The following PAX4 variants were observed in gnomAD, a reference collection of about 807,000 sequenced individuals.
PAX4 encodes paired box 4.
A neutral mutation model predicts 40.6 loss-of-function variants in PAX4; 33 were observed. The ratio of observed to expected loss-of-function variants is 0.81; its 90% CI spans 0.62 to 1.09. PAX4 has a LOEUF of 1.09. Ranked by LOEUF, PAX4 falls within the 50% of genes least tolerant of loss-of-function variation. PAX4 has a pLI of 0.00. For synonymous variants in PAX4, 174 were observed against 170.6 expected (o/e 1.02, Z -0.16); for missense variants, 459 against 442.5 (o/e 1.04, Z -0.33).
At chr7:127,617,721 T>C (rs928459705) in intron 1 of PAX4, among the ~76,000 whole-genome samples, 1 of 152,222 alleles carries the variant, frequency 6.6e-6, no homozygotes, top group Non-Finnish European at 1.5e-5. Flanking sequence ...TAAATCATTA[T>C]GCCCCAACTC....
At chr7:127,613,190 C>G in intron 8 of PAX4, 99 bp from the exon 9 acceptor site, 1 of 1,064,672 alleles carries the variant, frequency 9.4e-7, no homozygotes. Flanking sequence ...GAATGTTGAC[C>G]CTTCCTTGGG....
rs199542176 is a variant in PAX4 at position 127,611,103 on chromosome 7, C to G, written c.1017G>C (p.Leu339=). The G allele has an allele frequency of 6.8e-6, 11 of 1,607,770 alleles. No individual in the cohort carries two copies. The East Asian group carries it at 2.5e-4, about 36-fold the overall frequency. ...HLASLSGSQA[L]LWPGCPLLYG... Reference sequence around the variant, plus strand: ...ACAGTAGTGGGCAGCCAGGCCAGAGCAGGGCCTGAGAGCCACTAAGACTGG... The same window carrying G: ...ACAGTAGTGGGCAGCCAGGCCAGAGGAGGGCCTGAGAGCCACTAAGACTGG... The change falls in exon 12 of 12, where the codon CTG becomes CTC. Residue 339 remains leucine, a synonymous_variant. Coordinates refer to ENST00000639438, the MANE Select transcript of PAX4 (RefSeq NM_001366110.1).
At chr7:127,615,556 C>A (rs1383861896) in intron 3 of PAX4, 25 bp from the exon 4 acceptor site, 1 of 1,613,128 alleles carries the variant, frequency 6.2e-7, no homozygotes, top group South Asian at 1.1e-5. Flanking sequence ...GAGGTATCCA[C>A]ACACCACCTC....
At chr7:127,615,848 C>A in intron 3 of PAX4, 68 bp downstream of exon 3, 1 of 1,534,026 alleles carries the variant, frequency 6.5e-7, no homozygotes, top group Non-Finnish European at 8.7e-7. Context: ...TTGATGGAAG[C>A]AAAGCCCTGA....
At position 127,615,411 on chromosome 7, in the gene PAX4, C is replaced by T. The variant is rs147279315; in HGVS notation, c.134G>A (p.Arg45Gln). 32 of 1,614,096 alleles carry T rather than the reference C, an allele frequency of 2.0e-5. No homozygotes were observed. In the Middle Eastern group the frequency reaches 4.9e-4, roughly 25 times the overall value. ...VSGMRPCDISRILKVSNGCVS... is the reference protein window; with the variant it reads ...VSGMRPCDISQILKVSNGCVS... ...GTGCTGGCCCATTACCTTAAGGATCCGTGAGATGTCACAGGGCCGCATTCC... is the reference window on the plus strand; with the variant it reads ...GTGCTGGCCCATTACCTTAAGGATCTGTGAGATGTCACAGGGCCGCATTCC... Residue 45 changes from arginine to glutamine, a missense_variant, in exon 4 of 12, where the codon CGG becomes CAG. Physicochemically the swap from Arg to Gln is conservative, Grantham distance 43 (BLOSUM62 1). Transcript: ENST00000639438.
At chr7:127,612,032 A>T (rs777681355) in intron 9 of PAX4, 32 bp from the exon 10 acceptor site, 1 of 1,609,344 alleles carries the variant, frequency 6.2e-7, no homozygotes, top group Admixed American at 1.7e-5. Flanking sequence ...ACTCAGAAGG[A>T]GGAATTGGGG....
rs116607543 is a variant in PAX4 at position 127,613,065 on chromosome 7, T to C, written c.672A>G (p.Lys224=). The C allele has an allele frequency of 2.2e-5, 36 of 1,613,544 alleles. No homozygotes were observed. The highest frequency in any genetic ancestry group is 2.9e-5 in the Non-Finnish European group (34 of 1,179,976). ...VRVWFSNRRA[K]WRRQEKLKWE... ...ACTTGAGCTTCTCTTGCCGACGCCA[T>C]TTGGCTCTTCTGTTGGAAAACCAGA... The change falls in exon 9 of 12, where the codon AAA becomes AAG. Residue 224 remains lysine (K), a synonymous_variant. Coordinates refer to ENST00000639438, the MANE Select transcript of PAX4 (RefSeq NM_001366110.1).
intron 7 of PAX4, 32 bp downstream of exon 7, chr7:127,613,724 T>C (rs1319173809): frequency 1.9e-6 from 3 of 1,613,236 alleles, no homozygotes; most frequent in Non-Finnish European, 2.5e-6. Flanking sequence ...CACTGAGGAC[T>C]CTCTGACCCT....
At chr7:127,612,477 GGA>G (rs1794646128) in intron 9 of PAX4, among the ~76,000 whole-genome samples, 1 of 149,936 alleles carries the variant, frequency 6.7e-6, no homozygotes, top group Non-Finnish European at 1.5e-5. Flanking sequence ...GTGGATGGAT[GGA>G]TGGATGGATG....
Position 127,610,587 on chromosome 7 carries a change from G to GCATA in PAX4, c.*473_*476dup, listed in dbSNP as rs66998513. On this transcript the variant is annotated 3_prime_UTR_variant, in exon 12 of 12. Transcript: ENST00000639438. ...TGTGTGTGTGCGCGCACGCATGCAC[G>GCATA]CATACATAATACACATATAGATGCA... The GCATA allele has an allele frequency of 0.41, 179,050 of 441,914 alleles. 39,470 individuals carry two copies. The highest frequency in any genetic ancestry group is 0.6 in the African/African-American group (30,022 of 50,052). The allele number at this position is 441,914 out of a possible 1,614,324, so 27.4% of individuals were successfully genotyped here. A position where few individuals can be genotyped will look rare whatever the true frequency, so the allele number is the denominator to read the frequency against.
chr7:127,611,898 G>A, intron 10 of PAX4, 47 bp downstream of exon 10: 3 of 1,612,514 alleles, frequency 1.9e-6, no homozygotes, highest in Non-Finnish European at 2.5e-6. Flanking sequence ...GAGCCCATGA[G>A]CCCTTCAGTC....
rs1442757367 is a variant in PAX4, at chr7:127,615,728, T to TC, written c.13+187dup. The stretch of plus-strand genomic sequence containing the variant: ...AGCTGGCTCACGGGTGAGTCTTTGT[T>TC]CCTTGCCCATACCCGCCAACTCTCC... On this transcript the variant is annotated intron_variant, in intron 3 of 11. Transcript: ENST00000639438. 3.3e-6 allele frequency: 5 copies of TC among 1,502,058 alleles called. No homozygotes were observed. In the African/African-American group the frequency reaches 6.9e-5, roughly 21 times the overall value. 93.0% of individuals were successfully genotyped at this position (1,502,058 alleles called of 1,614,324 possible).
chr7:127,615,751 T>C (rs1794715573), intron 3 of PAX4, 165 bp downstream of exon 3: 1 of 1,498,746 alleles, frequency 6.7e-7, no homozygotes, highest in African/African-American at 1.4e-5. Context: ...CCGCCAACTC[T>C]CCTGATCTAA....
At chr7:127,615,645 C>T in intron 3 of PAX4, 114 bp from the exon 4 acceptor site, 1 of 1,590,532 alleles carries the variant, frequency 6.3e-7, no homozygotes, top group Admixed American at 1.7e-5. Context: ...TGCATCCTCT[C>T]CTGGGAGACT....
Position 127,610,595 on chromosome 7 carries a change from A to ACATC in PAX4, c.*468_*469insGATG. On this transcript the variant is annotated 3_prime_UTR_variant, in exon 12 of 12. Coordinates refer to ENST00000639438, the MANE Select transcript of PAX4 (RefSeq NM_001366110.1). ...TGCGCGCACGCATGCACGCATACAT[A>ACATC]ATACACATATAGATGCATACATAGA... 1.9e-6 allele frequency: 1 copy of ACATC among 514,918 alleles called. No individual in the cohort carries two copies. Among genetic ancestry groups the ACATC allele is most frequent in the African/African-American group, 1.9e-5 (1 of 51,402 alleles). 31.9% of individuals were successfully genotyped at this position (514,918 alleles called of 1,614,324 possible).
chr7:127,610,634 T>G lies in PAX4; in HGVS notation c.*430A>C. 1 of 575,696 alleles carries G rather than the reference T, an allele frequency of 1.7e-6. No individual in the cohort carries two copies. The highest frequency in any genetic ancestry group is 2.9e-5 in the East Asian group (1 of 34,472). 35.7% of individuals were successfully genotyped at this position (575,696 alleles called of 1,614,324 possible). On this transcript the variant is annotated 3_prime_UTR_variant, in exon 12 of 12. Coordinates refer to ENST00000639438, the MANE Select transcript of PAX4 (RefSeq NM_001366110.1). The stretch of plus-strand genomic sequence containing the variant: ...TGCATACATAGAGTAGGTAAATTGA[T>G]GCATTGACAAATACATTGTTTAGAT...
At chr7:127,613,167 T>C in intron 8 of PAX4, 76 bp from the exon 9 acceptor site, 1 of 1,216,292 alleles carries the variant, frequency 8.2e-7, no homozygotes, top group Non-Finnish European at 1.2e-6. Context: ...CACATGTTCC[T>C]AGCCTGAACT....
Position 127,610,589 on chromosome 7 carries a change from A to ATACT in PAX4, c.*474_*475insAGTA. On this transcript the variant is annotated 3_prime_UTR_variant, in exon 12 of 12. Coordinates refer to ENST00000639438, the MANE Select transcript of PAX4 (RefSeq NM_001366110.1). ...TGTGTGTGCGCGCACGCATGCACGC[A>ATACT]TACATAATACACATATAGATGCATA... The ATACT allele has an allele frequency of 2.0e-6, 1 of 499,088 alleles. No homozygotes were observed. The highest frequency in any genetic ancestry group is 3.4e-5 in the Admixed American group (1 of 29,552). 30.9% of individuals were successfully genotyped at this position (499,088 alleles called of 1,614,324 possible).
Position 127,615,609 on chromosome 7 carries a change from C to T in PAX4, c.14-78G>A. ...CCTGTGGAGAGGGTCACTCAGGCCC[C>T]TCCAGCCTGGCTTCCCACCACCGAG... is the stretch of plus-strand genomic sequence containing the variant. On this transcript the variant is annotated intron_variant, in intron 3 of 11. Transcript: ENST00000639438. The T allele has an allele frequency of 3.1e-6, 5 of 1,607,892 alleles. No homozygotes were observed. The South Asian group carries it at 3.3e-5, about 11-fold the overall frequency.
Sources: allele counts gnomAD v4.1 joint callset (sites outside exome capture counted in the v4.1 genomes callset), GRCh38; gene constraint gnomAD v4.1.1; transcripts MANE v1.5; gene names NCBI Gene and HGNC (gene_info 2026-07-23, HGNC 2026-07-21).